The following NALF1 variants were observed in gnomAD, a reference collection of about 807,000 sequenced individuals.
NALF1 encodes the protein NALCN channel auxiliary factor 1.
Under a neutral mutation model 48.4 loss-of-function variants are expected in NALF1, and 3 were observed. The observed-to-expected ratio is 0.06, with a 90% CI of 0.03 to 0.16. The LOEUF (loss-of-function observed/expected upper bound fraction) is 0.16, where lower values mean the gene tolerates loss of function less well. Ranked by LOEUF, NALF1 falls within the 10% of genes least tolerant of loss-of-function variation. NALF1 has a pLI of 1.00. For missense variants in NALF1, 526 were observed against 571.5 expected, an observed-to-expected ratio of 0.92 and a Z score of 0.81; for synonymous variants, 262 against 245.7, an observed-to-expected ratio of 1.07 and a Z score of -0.62.
intron 1 of NALF1, among the ~76,000 whole-genome samples, chr13:107,842,664 G>T (rs1224234635): frequency 6.6e-6 from 1 of 150,630 alleles, no homozygotes; most frequent in African/African-American, 2.4e-5. Context: ...TTTATGGCAG[G>T]TCTACAAAAG....
chr13:107,268,990 G>A (rs994122652), intron 1 of NALF1, among the ~76,000 whole-genome samples: 1 of 151,950 alleles, frequency 6.6e-6, no homozygotes, highest in African/African-American at 2.4e-5. Flanking sequence ...GGTGTAGAGT[G>A]AAAATTGGAT....
chr13:107,702,573 C>A (rs1164527546), intron 1 of NALF1, among the ~76,000 whole-genome samples: 1 of 151,974 alleles, frequency 6.6e-6, no homozygotes, highest in African/African-American at 2.4e-5. Context: ...TTCAGGGGTA[C>A]ATGTCAGGAT....
intron 1 of NALF1, among the ~76,000 whole-genome samples, chr13:107,565,628 G>C (rs2138397153): frequency 6.6e-6 from 1 of 152,222 alleles, no homozygotes; most frequent in African/African-American, 2.4e-5. Flanking sequence ...CTAGCAAGTG[G>C]TGATTCTCAG....
chr13:107,773,698 G>T (rs1007838573), intron 1 of NALF1, among the ~76,000 whole-genome samples: 5 of 115,386 alleles, frequency 4.3e-5, no homozygotes, highest in Admixed American at 2.5e-4. Flanking sequence ...ATGGACACAG[G>T]AAGGGGAACA....
chr13:107,710,375 G>A (rs970774123), intron 1 of NALF1, among the ~76,000 whole-genome samples: 2 of 150,580 alleles, frequency 1.3e-5, no homozygotes, highest in African/African-American at 4.9e-5. Context: ...AGCCCATAAA[G>A]AATCCCCAGG....
chr13:107,779,042 G>A (rs1469747849), intron 1 of NALF1, among the ~76,000 whole-genome samples: 1 of 152,046 alleles, frequency 6.6e-6, no homozygotes, highest in Non-Finnish European at 1.5e-5. Context: ...TTTATAGGTC[G>A]AGATTTATGA....
chr13:107,292,943 C>T (rs937327464), intron 1 of NALF1, among the ~76,000 whole-genome samples: 18 of 151,584 alleles, frequency 1.2e-4, no homozygotes, highest in African/African-American at 3.4e-4. Flanking sequence ...ATGGCTAAGA[C>T]GTCACTAGGC....
At chr13:107,232,349 G>T (rs16969901) in intron 1 of NALF1, among the ~76,000 whole-genome samples, 5,572 of 152,258 alleles carry the variant, frequency 0.037, 156 homozygotes, top group South Asian at 0.078. Flanking sequence ...GAGGGTCGCG[G>T]TCACTAGAAA....
chr13:107,394,243 C>T lies in NALF1; in HGVS notation c.916-183488G>A, dbSNP rs1480363535. 3.3e-5 allele frequency among the ~76,000 whole-genome samples: 5 copies of T among 152,282 alleles called. No individual in the cohort carries two copies. In the East Asian group the frequency reaches 5.8e-4, roughly 18 times the overall value. On this transcript the variant is annotated intron_variant, in intron 1 of 2. Coordinates refer to ENST00000375915, the MANE Select transcript of NALF1 (RefSeq NM_001080396.3). ...TCACTAGAAGTCACTAGTTCAGTAACTTATTAAAATGATACTGGGAAATAT... is the reference window on the plus strand; with the variant it reads ...TCACTAGAAGTCACTAGTTCAGTAATTTATTAAAATGATACTGGGAAATAT...
At chr13:107,216,981 G>C (rs1215606039) in intron 1 of NALF1, among the ~76,000 whole-genome samples, 1 of 152,210 alleles carries the variant, frequency 6.6e-6, no homozygotes, top group African/African-American at 2.4e-5. Flanking sequence ...GGAAACCTAA[G>C]AAGCATTTGT....
At chr13:107,185,972 TAAAC>T (rs963632063) in intron 2 of NALF1, among the ~76,000 whole-genome samples, 3 of 152,234 alleles carry the variant, frequency 2.0e-5, no homozygotes, top group African/African-American at 7.2e-5. Flanking sequence ...ATTCCAGAAA[TAAAC>T]AATCCATGAA....
chr13:107,465,225 A>G (rs116197688), intron 1 of NALF1, among the ~76,000 whole-genome samples: 3,562 of 152,038 alleles, frequency 0.023, 153 homozygotes, highest in African/African-American at 0.082. Context: ...GAAATGCTAC[A>G]TGGTCCCTTG....
At chr13:107,389,697 C>A (rs562187340) in intron 1 of NALF1, among the ~76,000 whole-genome samples, 121 of 152,310 alleles carry the variant, frequency 7.9e-4, no homozygotes, top group African/African-American at 2.9e-3. Context: ...CACACATACA[C>A]ACTGGCATGC....
intron 1 of NALF1, among the ~76,000 whole-genome samples, chr13:107,517,641 C>CAACA (rs746597670): frequency 3.3e-4 from 48 of 145,554 alleles, no homozygotes; most frequent in African/African-American, 1.0e-3. Context: ...TTTCAAACAC[C>CAACA]AACAAACAAA....
At chr13:107,846,791 C>T (rs1345682798) in intron 1 of NALF1, among the ~76,000 whole-genome samples, 1 of 152,148 alleles carries the variant, frequency 6.6e-6, no homozygotes, top group Non-Finnish European at 1.5e-5. Context: ...ATTGCTGAAA[C>T]CTTTAATCTG....
intron 1 of NALF1, among the ~76,000 whole-genome samples, chr13:107,388,852 AT>A (rs1883573305): frequency 6.6e-6 from 1 of 152,062 alleles, no homozygotes; most frequent in East Asian, 1.9e-4. Flanking sequence ...AAAAAAAAAA[AT>A]CTCAAGAATT....
At chr13:107,537,918 T>C (rs1876882405) in intron 1 of NALF1, among the ~76,000 whole-genome samples, 1 of 152,044 alleles carries the variant, frequency 6.6e-6, no homozygotes, top group African/African-American at 2.4e-5. Flanking sequence ...CTCGAGACAC[T>C]GAGGCAGGAG....
At chr13:107,493,709 T>C (rs572212161) in intron 1 of NALF1, among the ~76,000 whole-genome samples, 16 of 152,182 alleles carry the variant, frequency 1.1e-4, no homozygotes, top group African/African-American at 3.6e-4. Flanking sequence ...AAATCATGTC[T>C]GTAAAAAAAA....
chr13:107,370,795 C>T (rs1883236210), intron 1 of NALF1, among the ~76,000 whole-genome samples: 1 of 152,134 alleles, frequency 6.6e-6, no homozygotes, highest in African/African-American at 2.4e-5. Context: ...CCTAAGGAAA[C>T]TTATAATCAT....
Sources: allele counts gnomAD v4.1 joint callset (sites outside exome capture counted in the v4.1 genomes callset), GRCh38; gene constraint gnomAD v4.1.1; transcripts MANE v1.5; gene names NCBI Gene and HGNC (gene_info 2026-07-23, HGNC 2026-07-21).